The following STAMBP variants were observed in gnomAD, a reference collection of about 807,000 sequenced individuals.
STAMBP encodes the protein STAM binding protein, also known as STAM-binding protein.
STAMBP carries 31 observed loss-of-function variants against 50.7 expected under a neutral mutation model. The ratio of observed to expected loss-of-function variants is 0.61; its 90% CI spans 0.46 to 0.83. The LOEUF (loss-of-function observed/expected upper bound fraction) is 0.83, where lower values mean the gene tolerates loss of function less well. Ranked by LOEUF, STAMBP falls within the 40% of genes least tolerant of loss-of-function variation. The pLI, the probability that STAMBP is intolerant of heterozygous loss-of-function variation, is 0.00. For missense variants in STAMBP, 472 were observed against 518.9 expected, an observed-to-expected ratio of 0.91 and a Z score of 0.88; for synonymous variants, 211 against 192.4, an observed-to-expected ratio of 1.10 and a Z score of -0.80.
rs761678728 is a variant in STAMBP, at chr2:73,850,453, CGAA to C, written c.952_954del (p.Glu318del). The C allele has an allele frequency of 8.1e-6, 13 of 1,613,678 alleles. No individual in the cohort carries two copies. Among genetic ancestry groups the C allele is most frequent in the African/African-American group, 8.0e-5 (6 of 74,908 alleles). On this transcript the variant is annotated inframe_deletion, in exon 7 of 10. Transcript: ENST00000394070. This position sits in a 1 kb window ranked among gnomAD's most constrained non-coding sequence, Gnocchi z 4.3. Reference sequence around the variant, plus strand: ...GGTCTGATTACTGCAACACAGAGAACGAAGAAGAACTTTTCCTCATACAGGATC... The same window carrying C: ...GGTCTGATTACTGCAACACAGAGAACGAAGAACTTTTCCTCATACAGGATC...
At position 73,860,091 on chromosome 2, in the gene STAMBP, G is replaced by C; in HGVS notation, c.1158G>C (p.Glu386Asp). ...AACTAACTGACCATGGACTAGAGGA[G>C]ATTTCTTCCTGTCGCCAGAAAGGAT... Reference protein sequence around the residue: ...FFKLTDHGLEEISSCRQKGFH... With the variant: ...FFKLTDHGLEDISSCRQKGFH... Residue 386 changes from glutamate (E) to aspartate (D), a missense_variant, in exon 9 of 10, where the codon GAG (glutamate) becomes GAC (aspartate). Coordinates refer to ENST00000394070, the MANE Select transcript of STAMBP (RefSeq NM_213622.4). 1 of 1,612,874 alleles carries C rather than the reference G, an allele frequency of 6.2e-7. No individual in the cohort carries two copies.
intron 2 of STAMBP, among the ~76,000 whole-genome samples, chr2:73,834,955 G>T (rs1674536147): frequency 6.6e-6 from 1 of 152,212 alleles, no homozygotes; most frequent in Admixed American, 6.5e-5. Flanking sequence ...GGCAAGTGGG[G>T]CTGGATCATG....
downstream of STAMBP, chr2:73,870,047 T>C (rs1182240214): frequency 3.3e-5 from 5 of 152,232 alleles, no homozygotes; most frequent in Non-Finnish European, 7.3e-5. Flanking sequence ...TGTTCATTTT[T>C]CCCCCATATC....
intron 9 of STAMBP, among the ~76,000 whole-genome samples, chr2:73,861,504 TTTTTTG>T (rs565948613): frequency 0.021 from 3,137 of 151,332 alleles, 110 homozygotes; most frequent in African/African-American, 0.068. Context: ...AAATAAGGGT[TTTTTTG>T]TTTTTGTTTT....
At chr2:73,834,209 TAAAAAAAAAAAAA>T (rs1171586160) in intron 2 of STAMBP, among the ~76,000 whole-genome samples, 28 of 8,544 alleles carry the variant, frequency 3.3e-3, no homozygotes, top group African/African-American at 4.7e-3. Flanking sequence ...GATCATGTCT[TAAAAAAAAAAAAA>T]AAAAAAAAAA....
chr2:73,830,597 C>T (rs1307675955), intron 1 of STAMBP, among the ~76,000 whole-genome samples: 3 of 152,274 alleles, frequency 2.0e-5, no homozygotes, highest in African/African-American at 7.2e-5. Flanking sequence ...GGTTCTACTC[C>T]TTATACCACC....
At chr2:73,833,375 T>C (rs1045644032) in intron 2 of STAMBP, among the ~76,000 whole-genome samples, 1 of 152,242 alleles carries the variant, frequency 6.6e-6, no homozygotes, top group East Asian at 1.9e-4. Context: ...TGTCATGTCA[T>C]GTGGCCTCAA....
intron 7 of STAMBP, among the ~76,000 whole-genome samples, chr2:73,853,108 G>A (rs913693817): frequency 1.3e-5 from 2 of 152,114 alleles, no homozygotes; most frequent in African/African-American, 4.8e-5. Flanking sequence ...CACATCCTAT[G>A]GAGAGCTCCA....
Position 73,828,975 on chromosome 2 carries a change from C to A in STAMBP, c.-548C>A, listed in dbSNP as rs906074369. On this transcript the variant is annotated 5_prime_UTR_variant, in exon 1 of 10. Transcript: ENST00000394070. The stretch of plus-strand genomic sequence containing the variant: ...CCGGATGTGACGTTTCCGGAACCTC[C>A]GGGTGTCATCCGCGGGGAAAGGTGG... 6.6e-6 allele frequency: 1 copy of A among 152,318 alleles called. No individual in the cohort carries two copies. The highest frequency in any genetic ancestry group is 2.4e-5 in the African/African-American group (1 of 41,452). The allele number at this position is 152,318 out of a possible 1,614,324, so 9.4% of individuals were successfully genotyped here.
chr2:73,849,449 C>G lies in STAMBP; in HGVS notation c.829C>G (p.Arg277Gly). ...CCAGTTAGCCAGTGCCAACACTGCC[C>G]GGGGAGTGGAGACATGTGGAATTCT... Reference protein sequence around the residue: ...FLQLASANTARGVETCGILCG... With the variant: ...FLQLASANTAGGVETCGILCG... Residue 277 changes from arginine (R) to glycine (G), a missense_variant, in exon 6 of 10, where the codon CGG becomes GGG. Physicochemically the swap from Arg to Gly is moderately radical, Grantham distance 125 (BLOSUM62 -2). Coordinates refer to ENST00000394070, the MANE Select transcript of STAMBP (RefSeq NM_213622.4). 1 of 1,610,624 alleles carries G rather than the reference C, an allele frequency of 6.2e-7. No homozygotes were observed. The highest frequency in any genetic ancestry group is 8.5e-7 in the Non-Finnish European group (1 of 1,178,692).
chr2:73,860,249 C>A, intron 9 of STAMBP, 98 bp downstream of exon 9: 1 of 990,486 alleles, frequency 1.0e-6, no homozygotes. Flanking sequence ...ACACAGAAGA[C>A]CAGCTTTGTC....
chr2:73,853,106 A>G (rs1464021472), intron 7 of STAMBP, among the ~76,000 whole-genome samples: 1 of 152,124 alleles, frequency 6.6e-6, no homozygotes, highest in Non-Finnish European at 1.5e-5. Flanking sequence ...GTCACATCCT[A>G]TGGAGAGCTC....
At chr2:73,869,425 C>CA (rs1335019637), downstream of STAMBP, among the ~76,000 whole-genome samples, 3 of 152,056 alleles carry the variant, frequency 2.0e-5, no homozygotes, top group African/African-American at 7.2e-5. Context: ...GAGAGAAAGA[C>CA]AATGTTTTAA....
intron 9 of STAMBP, chr2:73,860,511 T>G: frequency 1.0e-6 from 1 of 991,382 alleles, no homozygotes; most frequent in African/African-American, 1.7e-5. Context: ...TACTTTTTCC[T>G]TTCATCAATG....
intron 7 of STAMBP, among the ~76,000 whole-genome samples, chr2:73,857,286 A>G (rs1323672334): frequency 6.6e-6 from 1 of 152,076 alleles, no homozygotes; most frequent in Non-Finnish European, 1.5e-5. Flanking sequence ...CCTTCATCCA[A>G]CCAGGAATTC....
chr2:73,848,109 A>G (rs888067642), intron 5 of STAMBP, among the ~76,000 whole-genome samples: 1 of 152,144 alleles, frequency 6.6e-6, no homozygotes, highest in African/African-American at 2.4e-5. Context: ...TTACCTCTCT[A>G]GCAATTCAGA....
chr2:73,860,156 G>GT lies in STAMBP; in HGVS notation c.1218+6dup. 1 of 1,610,878 alleles carries GT rather than the reference G, an allele frequency of 6.2e-7. No individual in the cohort carries two copies. Among genetic ancestry groups the GT allele is most frequent in the Non-Finnish European group, 8.5e-7 (1 of 1,177,906 alleles). On this transcript the variant is annotated splice_donor_region_variant and intron_variant, in intron 9 of 9. Coordinates refer to ENST00000394070, the MANE Select transcript of STAMBP (RefSeq NM_213622.4). Reference sequence around the variant, plus strand: ...AAGGATCCACCTCTGTTCTGTGTACGTATCTATGTAAAAGAAAATGGGGCT... The same window carrying GT: ...AAGGATCCACCTCTGTTCTGTGTACGTTATCTATGTAAAAGAAAATGGGGCT...
At chr2:73,829,927 G>A (rs1673693414) in intron 1 of STAMBP, among the ~76,000 whole-genome samples, 1 of 152,218 alleles carries the variant, frequency 6.6e-6, no homozygotes, top group Admixed American at 6.5e-5. Context: ...TGAATTCCAA[G>A]ATTTATTCTA....
chr2:73,847,466 A>G lies in STAMBP; in HGVS notation c.455A>G (p.Gln152Arg). 2 of 1,614,230 alleles carry G rather than the reference A, an allele frequency of 1.2e-6. No homozygotes were observed. Among genetic ancestry groups the G allele is most frequent in the Non-Finnish European group, 1.7e-6 (2 of 1,180,044 alleles). ...LEKEKQRVAQ[Q>R]KQQQLEQEQF... is the part of the protein sequence containing the mutation. Reference sequence around the variant, plus strand: ...AAGGAAAAACAGAGGGTAGCACAACAGAAGCAGCAGCAATTGGAACAGGAA... The same window carrying G: ...AAGGAAAAACAGAGGGTAGCACAACGGAAGCAGCAGCAATTGGAACAGGAA... The change falls in exon 5 of 10, where the codon CAG becomes CGG. Residue 152 changes from glutamine (Q) to arginine (R), a missense_variant. Coordinates refer to ENST00000394070, the MANE Select transcript of STAMBP (RefSeq NM_213622.4).
Sources: allele counts gnomAD v4.1 joint callset (sites outside exome capture counted in the v4.1 genomes callset), GRCh38; gene constraint gnomAD v4.1.1; non-coding constraint Gnocchi (gnomAD v3.1); transcripts MANE v1.5; gene names NCBI Gene and HGNC (gene_info 2026-07-23, HGNC 2026-07-21).